Variants in CHD9 observed in about 807,000 individuals in gnomAD.
CHD9 encodes chromodomain helicase DNA binding protein 9.
In CHD9, 77 loss-of-function variants were observed where a neutral mutation model predicts 316.1. That is an observed-to-expected ratio of 0.24 (90% CI 0.20 to 0.29). The LOEUF (loss-of-function observed/expected upper bound fraction) is 0.29, where lower values mean the gene tolerates loss of function less well. Among genes scored for constraint, CHD9 ranks in the 10% least tolerant of loss-of-function variants. The pLI is 1.00. For synonymous variants in CHD9, 1,129 were observed against 1,158.3 expected (o/e 0.97, Z 0.51); for missense variants, 2,763 against 3,438.1 (o/e 0.80, Z 4.91).
intron 1 of CHD9, among the ~76,000 whole-genome samples, chr16:53,087,720 G>A (rs1263698665): frequency 6.6e-6 from 1 of 152,186 alleles, no homozygotes; most frequent in Non-Finnish European, 1.5e-5. Flanking sequence ...GGCCAAAGCA[G>A]GAGGATCACT....
intron 31 of CHD9, among the ~76,000 whole-genome samples, 160 bp from the exon 32 acceptor site, chr16:53,306,077 C>CT (rs1382454523): frequency 1.3e-5 from 2 of 151,862 alleles, no homozygotes; most frequent in African/African-American, 4.8e-5. Flanking sequence ...ATGATAGGTG[C>CT]TTTTTTTATA....
At chr16:53,152,430 T>A (rs2041196318) in intron 1 of CHD9, among the ~76,000 whole-genome samples, 1 of 152,172 alleles carries the variant, frequency 6.6e-6, no homozygotes, top group African/African-American at 2.4e-5. Flanking sequence ...CTGGCATCAC[T>A]CTCTCATGCT....
At chr16:53,178,500 ATGGCTCACTGTACCCT>A in intron 2 of CHD9, among the ~76,000 whole-genome samples, 1 of 144,694 alleles carries the variant, frequency 6.9e-6, no homozygotes, top group East Asian at 2.0e-4. Context: ...TGGCGCAAAC[ATGGCTCACTGTACCCT>A]TGACCTCCTG....
At chr16:53,204,119 A>C (rs577656452) in intron 2 of CHD9, among the ~76,000 whole-genome samples, 39 of 124,956 alleles carry the variant, frequency 3.1e-4, no homozygotes, top group African/African-American at 1.3e-3. Context: ...CTTTATCTAG[A>C]TAACGTGTGT....
At chr16:53,116,483 G>C (rs1378769437) in intron 1 of CHD9, among the ~76,000 whole-genome samples, 1 of 152,188 alleles carries the variant, frequency 6.6e-6, no homozygotes, top group Non-Finnish European at 1.5e-5. Flanking sequence ...GGATAGAGAG[G>C]GTTCTGCTTT....
Position 53,325,090 on chromosome 16 carries a change from T to C in CHD9, c.*195T>C. On this transcript the variant is annotated 3_prime_UTR_variant, in exon 39 of 39. Transcript: ENST00000447540. ...AGATTCATAAGTTTCTGAACTCGTATGTACTATCAAATACATAAAGGTGTA... is the reference window on the plus strand; with the variant it reads ...AGATTCATAAGTTTCTGAACTCGTACGTACTATCAAATACATAAAGGTGTA... 2.0e-6 allele frequency: 1 copy of C among 492,394 alleles called. No individual in the cohort carries two copies. Among genetic ancestry groups the C allele is most frequent in the South Asian group, 4.2e-5 (1 of 23,600 alleles). 30.5% of individuals were successfully genotyped at this position (492,394 alleles called of 1,614,324 possible). A position where few individuals can be genotyped will look rare whatever the true frequency, so the allele number is the denominator to read the frequency against.
chr16:53,110,502 T>A (rs1358052635), intron 1 of CHD9, among the ~76,000 whole-genome samples: 1 of 152,216 alleles, frequency 6.6e-6, no homozygotes, highest in Non-Finnish European at 1.5e-5. Flanking sequence ...AGCTCACGCC[T>A]GTAATCCCAG....
chr16:53,117,171 T>C (rs1439246256), intron 1 of CHD9, among the ~76,000 whole-genome samples: 2 of 152,070 alleles, frequency 1.3e-5, no homozygotes, highest in Non-Finnish European at 2.9e-5. Flanking sequence ...CAAACCACCA[T>C]GGCACACGTT....
At chr16:53,308,187 T>C (rs2056156490) in intron 33 of CHD9, among the ~76,000 whole-genome samples, 1 of 152,236 alleles carries the variant, frequency 6.6e-6, no homozygotes. Flanking sequence ...TCAAAATGCT[T>C]TCTTAAACAG....
chr16:53,157,385 A>C lies in CHD9; in HGVS notation c.1296A>C (p.Leu432Phe). Reference sequence around the variant, plus strand: ...GACAAGATAATTCAAGTCACATTTTAGATCATGACCTTGATCGGCAGTTTA... The same window carrying C: ...GACAAGATAATTCAAGTCACATTTTCGATCATGACCTTGATCGGCAGTTTA... ...TFGQDNSSHI[L>F]DHDLDRQFTS... Residue 432 changes from leucine to phenylalanine, a missense_variant, in exon 2 of 39, where the codon TTA (leucine) becomes TTC (phenylalanine). Physicochemically the swap from Leu to Phe is conservative, Grantham distance 22. This residue lies in a region of CHD9 where 859 missense variants were observed against 890.4 expected (regional missense o/e 0.96). Coordinates refer to ENST00000447540, the MANE Select transcript of CHD9 (RefSeq NM_001308319.2). 6.2e-7 allele frequency: 1 copy of C among 1,614,034 alleles called. No individual in the cohort carries two copies. Among genetic ancestry groups the C allele is most frequent in the Non-Finnish European group, 8.5e-7 (1 of 1,179,892 alleles).
intron 24 of CHD9, among the ~76,000 whole-genome samples, chr16:53,284,112 C>G (rs2053652242): frequency 6.6e-6 from 1 of 152,020 alleles, no homozygotes; most frequent in Admixed American, 6.6e-5. Flanking sequence ...TCCCACAGAA[C>G]TTGTCAATAG....
intron 18 of CHD9, 51 bp downstream of exon 18, chr16:53,254,656 A>G: frequency 6.6e-7 from 1 of 1,513,580 alleles, no homozygotes; most frequent in East Asian, 2.3e-5. Flanking sequence ...TTTGCATTTG[A>G]TTTTACCTCC....
At chr16:53,218,500 T>C (rs1029866332) in intron 3 of CHD9, among the ~76,000 whole-genome samples, 1 of 152,190 alleles carries the variant, frequency 6.6e-6, no homozygotes. Context: ...TATAAAAATG[T>C]TTAAGCAGCT....
At chr16:53,162,494 C>T (rs1342651354) in intron 2 of CHD9, among the ~76,000 whole-genome samples, 3 of 152,094 alleles carry the variant, frequency 2.0e-5, no homozygotes, top group African/African-American at 7.2e-5. Context: ...GTGGAAATAA[C>T]ATGTGGAGCA....
intron 15 of CHD9, among the ~76,000 whole-genome samples, chr16:53,246,504 T>TG (rs1381195439): frequency 3.9e-4 from 56 of 142,466 alleles, no homozygotes; most frequent in African/African-American, 1.3e-3. Flanking sequence ...TTCTGTGTTT[T>TG]TTTGTTGTTG....
intron 31 of CHD9, among the ~76,000 whole-genome samples, chr16:53,305,308 G>A (rs996489852): frequency 7.2e-5 from 11 of 152,110 alleles, no homozygotes; most frequent in African/African-American, 1.9e-4. Context: ...TGATCCGCCC[G>A]CCTTAGCCTC....
chr16:53,320,198 TAAA>T (rs558919362), intron 37 of CHD9, among the ~76,000 whole-genome samples: 2 of 126,928 alleles, frequency 1.6e-5, no homozygotes, highest in Non-Finnish European at 1.7e-5. Flanking sequence ...TGAGTCTCTT[TAAA>T]AAAAAAAAAA....
chr16:53,058,750 C>T (rs973262304), intron 1 of CHD9, among the ~76,000 whole-genome samples: 14 of 152,214 alleles, frequency 9.2e-5, no homozygotes, highest in African/African-American at 3.4e-4. Flanking sequence ...ATGACTTGCC[C>T]AAAGTTGCAC....
chr16:53,327,283 C>G lies in CHD9; in HGVS notation c.*2388C>G, dbSNP rs1024752937. On this transcript the variant is annotated 3_prime_UTR_variant, in exon 39 of 39. Transcript: ENST00000447540. ...CTGTTATTGCCTTGTATTTATAGCCCTTGTTTCAGGTTTTATGATTCAAGT... is the reference window on the plus strand; with the variant it reads ...CTGTTATTGCCTTGTATTTATAGCCGTTGTTTCAGGTTTTATGATTCAAGT... 4 of 152,350 alleles carry G rather than the reference C, an allele frequency of 2.6e-5. No homozygotes were observed. The highest frequency in any genetic ancestry group is 5.9e-5 in the Non-Finnish European group (4 of 67,914). 9.4% of individuals were successfully genotyped at this position (152,350 alleles called of 1,614,324 possible).
Sources: allele counts gnomAD v4.1 joint callset (sites outside exome capture counted in the v4.1 genomes callset), GRCh38; gene constraint gnomAD v4.1.1; regional missense constraint gnomAD v4.1.1; transcripts MANE v1.5; gene names NCBI Gene and HGNC (gene_info 2026-07-23, HGNC 2026-07-21).